The following PLD5 variants were observed in gnomAD, a reference collection of about 807,000 sequenced individuals.
PLD5 encodes phospholipase D family member 5.
Under a neutral mutation model 61.1 loss-of-function variants are expected in PLD5, and 36 were observed. The observed-to-expected ratio is 0.59, with a 90% CI of 0.45 to 0.78. PLD5 has a LOEUF of 0.78. Ranked by LOEUF, PLD5 falls within the 30% of genes least tolerant of loss-of-function variation. PLD5 has a pLI of 0.00. For missense variants in PLD5, 515 were observed against 644.4 expected, an observed-to-expected ratio of 0.80 and a Z score of 2.17; for synonymous variants, 243 against 242.8, an observed-to-expected ratio of 1.00 and a Z score of -0.01.
At chr1:242,156,585 G>A (rs1336697097) in intron 5 of PLD5, among the ~76,000 whole-genome samples, 1 of 152,124 alleles carries the variant, frequency 6.6e-6, no homozygotes, top group East Asian at 1.9e-4. Flanking sequence ...TGTCTGTAAA[G>A]GATTTTATTT....
intron 2 of PLD5, among the ~76,000 whole-genome samples, chr1:242,304,046 G>T (rs1450167912): frequency 6.6e-6 from 1 of 152,108 alleles, no homozygotes; most frequent in African/African-American, 2.4e-5. Context: ...CAAGTCTGAT[G>T]CTTATCTGGG....
intron 2 of PLD5, among the ~76,000 whole-genome samples, chr1:242,306,778 C>T (rs1366332503): frequency 2.0e-5 from 2 of 101,806 alleles, no homozygotes; most frequent in Non-Finnish European, 4.0e-5. Context: ...CACACACACA[C>T]ACACACACAC....
chr1:242,373,446 C>G (rs1429203358), intron 1 of PLD5, among the ~76,000 whole-genome samples: 3 of 152,180 alleles, frequency 2.0e-5, no homozygotes, highest in African/African-American at 4.8e-5. Context: ...AATCCCATTA[C>G]TGGGTATATA....
chr1:242,100,169 A>C (rs1373874592), intron 9 of PLD5, among the ~76,000 whole-genome samples: 1 of 152,186 alleles, frequency 6.6e-6, no homozygotes, highest in Admixed American at 6.5e-5. Flanking sequence ...AGATGAGAAA[A>C]CTGAGGTTTG....
intron 4 of PLD5, among the ~76,000 whole-genome samples, chr1:242,248,513 A>G (rs148355824): frequency 2.2e-4 from 33 of 152,226 alleles, no homozygotes; most frequent in African/African-American, 7.9e-4. Context: ...TCACTGATCA[A>G]TGTTATTTCT....
intron 1 of PLD5, among the ~76,000 whole-genome samples, chr1:242,362,965 G>A (rs2796130): frequency 2.6e-5 from 4 of 152,106 alleles, no homozygotes; most frequent in African/African-American, 4.8e-5. Context: ...GCAGGACCTC[G>A]AAAGAGTCCA....
At chr1:242,393,642 ATATATATGAG>A (rs1663116523) in intron 1 of PLD5, among the ~76,000 whole-genome samples, 1 of 105,588 alleles carries the variant, frequency 9.5e-6, no homozygotes, top group African/African-American at 4.2e-5. Context: ...ATATATGTGT[ATATATATGAG>A]TATATATGTG....
chr1:242,213,221 A>T (rs1398006631), intron 5 of PLD5, among the ~76,000 whole-genome samples: 1 of 152,202 alleles, frequency 6.6e-6, no homozygotes, highest in African/African-American at 2.4e-5. Flanking sequence ...GTTTACAATA[A>T]TGAAAGGCCA....
chr1:242,247,482 C>T (rs1269018902), intron 4 of PLD5, among the ~76,000 whole-genome samples: 2 of 152,194 alleles, frequency 1.3e-5, no homozygotes, highest in African/African-American at 4.8e-5. Context: ...CAGGGTGTGA[C>T]TTAACCCTTG....
At chr1:242,190,699 T>G (rs74150829) in intron 5 of PLD5, among the ~76,000 whole-genome samples, 6,794 of 151,372 alleles carry the variant, frequency 0.045, 513 homozygotes, top group African/African-American at 0.16. Flanking sequence ...CTGGGCAACA[T>G]GGCAAAACCT....
intron 5 of PLD5, among the ~76,000 whole-genome samples, chr1:242,176,680 T>C (rs928995472): frequency 6.6e-6 from 1 of 152,104 alleles, no homozygotes; most frequent in Non-Finnish European, 1.5e-5. Flanking sequence ...TTGCAATCTA[T>C]CCATCTGACA....
intron 5 of PLD5, among the ~76,000 whole-genome samples, chr1:242,204,205 T>C (rs1669175692): frequency 6.6e-6 from 1 of 151,468 alleles, no homozygotes; most frequent in African/African-American, 2.4e-5. Flanking sequence ...ATCATGCCAC[T>C]GCACTCCAGT....
chr1:242,487,105 A>C (rs1451858761), intron 1 of PLD5, among the ~76,000 whole-genome samples: 1 of 152,132 alleles, frequency 6.6e-6, no homozygotes, highest in Non-Finnish European at 1.5e-5. Context: ...AGATATACTT[A>C]ATGTTAAATG....
Position 242,162,647 on chromosome 1 carries a change from G to A in PLD5, c.736-37982C>T, listed in dbSNP as rs115666772. 8.1e-3 allele frequency among the ~76,000 whole-genome samples: 1,234 copies of A among 152,280 alleles called. 18 individuals are homozygous for A. Among genetic ancestry groups the A allele is most frequent in the African/African-American group, 0.027 (1,104 of 41,528 alleles). ...AGAATGTTACTGTATGTGTGGTTGA[G>A]TATTTCTAACAAACATTGAGTTCTA... is the stretch of plus-strand genomic sequence containing the variant. On this transcript the variant is annotated intron_variant, in intron 5 of 9. Transcript: ENST00000536534.
chr1:242,213,410 G>A (rs918023101), intron 5 of PLD5, among the ~76,000 whole-genome samples: 1 of 151,966 alleles, frequency 6.6e-6, no homozygotes. Flanking sequence ...CTTTTAAATC[G>A]ACATACCTCT....
intron 2 of PLD5, among the ~76,000 whole-genome samples, chr1:242,342,987 C>G (rs1428216408): frequency 5.3e-5 from 8 of 151,996 alleles, no homozygotes; most frequent in Non-Finnish European, 8.8e-5. Context: ...AGGAGACATA[C>G]TTTTTTAGAG....
chr1:242,461,032 T>G (rs1667103722), intron 1 of PLD5, among the ~76,000 whole-genome samples: 1 of 152,180 alleles, frequency 6.6e-6, no homozygotes, highest in South Asian at 2.1e-4. Flanking sequence ...TCCCAGGTAC[T>G]CAAGAGGCTG....
intron 1 of PLD5, among the ~76,000 whole-genome samples, chr1:242,366,264 C>T (rs552836576): frequency 6.6e-6 from 1 of 152,254 alleles, no homozygotes; most frequent in Admixed American, 6.5e-5. Flanking sequence ...AGATCATGAC[C>T]TCAACAGGGA....
rs565772304 is a variant in PLD5 at position 242,328,382 on chromosome 1, C to A, written c.326+19724G>T. 2.0e-5 allele frequency among the ~76,000 whole-genome samples: 3 copies of A among 151,840 alleles called. No homozygotes were observed. The South Asian group carries it at 6.2e-4, about 32-fold the overall frequency. On this transcript the variant is annotated intron_variant, in intron 2 of 9. Coordinates refer to ENST00000536534, the MANE Select transcript of PLD5 (RefSeq NM_001372062.1). ...TCTACATATGTGTTCTACATGTGTT[C>A]ACACGTGTTCTACATAGTTGTGTGT...
Sources: allele counts gnomAD v4.1 joint callset (sites outside exome capture counted in the v4.1 genomes callset), GRCh38; gene constraint gnomAD v4.1.1; transcripts MANE v1.5; gene names NCBI Gene and HGNC (gene_info 2026-07-23, HGNC 2026-07-21).